The following UMPS variants were observed in gnomAD, a reference collection of about 807,000 sequenced individuals.
UMPS encodes uridine monophosphate synthetase.
UMPS carries 21 observed loss-of-function variants against 38.9 expected under a neutral mutation model. The observed-to-expected ratio is 0.54, with a 90% confidence interval of 0.38 to 0.78. The LOEUF (loss-of-function observed/expected upper bound fraction) is 0.78. UMPS is among the 30% of genes least tolerant of loss of function. The pLI is 0.00. For synonymous variants in UMPS, 208 were observed against 219.3 expected (o/e 0.95, Z 0.45); for missense variants, 533 against 591.6 (o/e 0.90, Z 1.03).
chr3:124,733,323 G>A (rs1334565646), intron 1 of UMPS: 1 of 152,168 alleles, frequency 6.6e-6, no homozygotes, highest in African/African-American at 2.4e-5. Context: ...ATAATTTAAT[G>A]ATATACAGAA....
Position 124,746,794 on chromosome 3 carries a change from T to C in UMPS, c.*2710T>C, listed in dbSNP as rs866842446. 4 of 420,890 alleles carry C rather than the reference T, an allele frequency of 9.5e-6. No individual in the cohort carries two copies. Among genetic ancestry groups the C allele is most frequent in the East Asian group, 7.5e-5 (1 of 13,340 alleles). The allele number at this position is 420,890 out of a possible 1,614,324, so 26.1% of individuals were successfully genotyped here. A position where few individuals can be genotyped will look rare whatever the true frequency, so the allele number is the denominator to read the frequency against. The stretch of plus-strand genomic sequence containing the variant: ...GTGTGTGTGTGTGTGTGTGTGTGTG[T>C]GTGCATGCGCGCGCGTGCGCACTGG... On this transcript the variant is annotated 3_prime_UTR_variant, in exon 6 of 6. Coordinates refer to ENST00000232607, the MANE Select transcript of UMPS (RefSeq NM_000373.4).
rs903156230 is a variant in UMPS at position 124,745,501 on chromosome 3, C to G, written c.*1417C>G. 1 of 453,834 alleles carries G rather than the reference C, an allele frequency of 2.2e-6. No homozygotes were observed. The highest frequency in any genetic ancestry group is 4.4e-6 in the Non-Finnish European group (1 of 226,754). 28.1% of individuals were successfully genotyped at this position (453,834 alleles called of 1,614,324 possible). On this transcript the variant is annotated 3_prime_UTR_variant, in exon 6 of 6. Coordinates refer to ENST00000232607, the MANE Select transcript of UMPS (RefSeq NM_000373.4). ...GCCTCAGCCTCCCGAGTAGCTGGGA[C>G]TACAAGCCTAGGATTTTTAACTCAG... is the stretch of plus-strand genomic sequence containing the variant.
At position 124,748,045 on chromosome 3, in the gene UMPS, CTTG is replaced by C. The variant is rs1431132281; in HGVS notation, c.*3965_*3967del. On this transcript the variant is annotated 3_prime_UTR_variant, in exon 6 of 6. Transcript: ENST00000232607. ...ACACAAAGCATGAGAAAAATCAGGA[CTTG>C]TTGGAGTTATATTTTTAAAATATAT... The C allele has an allele frequency of 9.3e-6, 4 of 429,826 alleles. No homozygotes were observed. Among genetic ancestry groups the C allele is most frequent in the African/African-American group, 8.1e-5 (4 of 49,224 alleles). 26.6% of individuals were successfully genotyped at this position (429,826 alleles called of 1,614,324 possible).
chr3:124,747,568 A>G lies in UMPS; in HGVS notation c.*3484A>G, dbSNP rs903577347. ...GAGAAAGTAGAGCAGAGCCTACTCC[A>G]GCCTCCCCCGTCCAATGTATGAAAG... On this transcript the variant is annotated 3_prime_UTR_variant, in exon 6 of 6. Transcript: ENST00000232607. 2.2e-6 allele frequency: 1 copy of G among 453,346 alleles called. No homozygotes were observed. The highest frequency in any genetic ancestry group is 2.0e-5 in the African/African-American group (1 of 50,004). 28.1% of individuals were successfully genotyped at this position (453,346 alleles called of 1,614,324 possible). A position where few individuals can be genotyped will look rare whatever the true frequency, so the allele number is the denominator to read the frequency against.
Position 124,747,109 on chromosome 3 carries a change from A to G in UMPS, c.*3025A>G, listed in dbSNP as rs1459142281. On this transcript the variant is annotated 3_prime_UTR_variant, in exon 6 of 6. Transcript: ENST00000232607. ...GACTTGGGCTCAAGCGATCCGCTCAAGTAGCTGGAACTACTCTCAAGTAGC... is the reference window on the plus strand; with the variant it reads ...GACTTGGGCTCAAGCGATCCGCTCAGGTAGCTGGAACTACTCTCAAGTAGC... The G allele has an allele frequency of 1.5e-5, 7 of 453,816 alleles. No individual in the cohort carries two copies. In the East Asian group the frequency reaches 2.1e-4, roughly 14 times the overall value. 28.1% of individuals were successfully genotyped at this position (453,816 alleles called of 1,614,324 possible). A position where few individuals can be genotyped will look rare whatever the true frequency, so the allele number is the denominator to read the frequency against.
At position 124,745,368 on chromosome 3, in the gene UMPS, ATTTTTT is replaced by A. The variant is rs11330991; in HGVS notation, c.*1294_*1299del. On this transcript the variant is annotated 3_prime_UTR_variant, in exon 6 of 6. Coordinates refer to ENST00000232607, the MANE Select transcript of UMPS (RefSeq NM_000373.4). ...TTAATGACTCAGAGGAATGCCTAGGATTTTTTTTTTTTTTTGAGACAGAATCTCACT... is the reference window on the plus strand; with the variant it reads ...TTAATGACTCAGAGGAATGCCTAGGATTTTTTTTTGAGACAGAATCTCACT... 3.6e-5 allele frequency: 16 copies of A among 439,840 alleles called. No individual in the cohort carries two copies. The highest frequency in any genetic ancestry group is 2.9e-4 in the African/African-American group (14 of 47,606). The allele number at this position is 439,840 out of a possible 1,614,324, so 27.2% of individuals were successfully genotyped here.
chr3:124,748,907 A>T lies in UMPS; in HGVS notation c.*4823A>T, dbSNP rs758547067. 1.2e-4 allele frequency: 53 copies of T among 445,068 alleles called. No homozygotes were observed. The highest frequency in any genetic ancestry group is 2.3e-4 in the Non-Finnish European group (50 of 221,024). 27.6% of individuals were successfully genotyped at this position (445,068 alleles called of 1,614,324 possible). On this transcript the variant is annotated 3_prime_UTR_variant, in exon 6 of 6. Coordinates refer to ENST00000232607, the MANE Select transcript of UMPS (RefSeq NM_000373.4). ...GAGAAGCAGACCTGGTGGGCCTGAG[A>T]GTCTCAATCGTCAGGTAAGGACAGT... is the stretch of plus-strand genomic sequence containing the variant.
chr3:124,731,497 A>AT (rs1579123848), intron 1 of UMPS: 1 of 438,888 alleles, frequency 2.3e-6, no homozygotes, highest in Non-Finnish European at 4.6e-6. Flanking sequence ...TTATTTATTT[A>AT]TTTTTTAGAT....
In UMPS at chr3:124,749,256, A is replaced by C; in HGVS notation, c.*5172A>C. 1 of 449,970 alleles carries C rather than the reference A, an allele frequency of 2.2e-6. No individual in the cohort carries two copies. The highest frequency in any genetic ancestry group is 4.4e-6 in the Non-Finnish European group (1 of 224,754). The allele number at this position is 449,970 out of a possible 1,614,324, so 27.9% of individuals were successfully genotyped here. On this transcript the variant is annotated 3_prime_UTR_variant, in exon 6 of 6. Coordinates refer to ENST00000232607, the MANE Select transcript of UMPS (RefSeq NM_000373.4). The stretch of plus-strand genomic sequence containing the variant: ...TATGGGTTCTTTTCAACCTGAATAG[A>C]TGGCCTAAAAATTCAAACTTGCCTC...
At position 124,737,934 on chromosome 3, in the gene UMPS, G is replaced by A. The variant is rs2150896862; in HGVS notation, c.677G>A (p.Ser226Asn). Residue 226 changes from serine (S) to asparagine (N), a missense_variant, in exon 3 of 6, where the codon AGC becomes AAC. Coordinates refer to ENST00000232607, the MANE Select transcript of UMPS (RefSeq NM_000373.4). ...ATAAAGGAAGCACCCAAAGAACTCA[G>A]CTTCGGTGCACGTGCAGAGCTGCCC... ...LSIKEAPKEL[S>N]FGARAELPRI... 1.2e-6 allele frequency: 2 copies of A among 1,614,220 alleles called. No individual in the cohort carries two copies. The highest frequency in any genetic ancestry group is 1.7e-6 in the Non-Finnish European group (2 of 1,180,046).
intron 2 of UMPS, among the ~76,000 whole-genome samples, chr3:124,735,829 T>G (rs974211353): frequency 6.6e-6 from 1 of 152,096 alleles, no homozygotes; most frequent in Non-Finnish European, 1.5e-5. Flanking sequence ...ATACAAAAAT[T>G]AGCTGGGCGT....
At position 124,730,515 on chromosome 3, in the gene UMPS, T is replaced by C. The variant is rs745331136; in HGVS notation, c.44T>C (p.Leu15Pro). 1 of 1,614,202 alleles carries C rather than the reference T, an allele frequency of 6.2e-7. No individual in the cohort carries two copies. Among genetic ancestry groups the C allele is most frequent in the Admixed American group, 1.7e-5 (1 of 60,034 alleles). Residue 15 changes from leucine to proline, a missense_variant, in exon 1 of 6, where the codon CTG (leucine) becomes CCG (proline). Leu to Pro is a moderately conservative substitution (Grantham distance 98). Coordinates refer to ENST00000232607, the MANE Select transcript of UMPS (RefSeq NM_000373.4). ...RAALGPLVTG[L>P]YDVQAFKFGD... ...GCTTTGGGGCCATTGGTGACGGGTC[T>C]GTACGACGTGCAGGCTTTCAAGTTT...
chr3:124,737,495 AGT>A (rs2063525793), intron 2 of UMPS, 71 bp from the exon 3 acceptor site: 9 of 1,403,626 alleles, frequency 6.4e-6, no homozygotes, highest in Non-Finnish European at 9.1e-6. Flanking sequence ...TTGTATACAG[AGT>A]GTGTGTACGT....
intron 2 of UMPS, among the ~76,000 whole-genome samples, chr3:124,735,629 G>C (rs1579128883): frequency 6.6e-6 from 1 of 152,260 alleles, no homozygotes; most frequent in East Asian, 1.9e-4. Flanking sequence ...AAACACCTCA[G>C]AGAGATATTT....
chr3:124,738,447 G>C, intron 3 of UMPS: 1 of 576,436 alleles, frequency 1.7e-6, no homozygotes, highest in Admixed American at 2.8e-5. Context: ...TTCTCAGGTA[G>C]GCATACTCTG....
chr3:124,737,422 C>T, intron 2 of UMPS, 146 bp from the exon 3 acceptor site: 1 of 721,104 alleles, frequency 1.4e-6, no homozygotes, highest in South Asian at 1.8e-5. Context: ...ACTGTATGTG[C>T]AACTAGCAAG....
chr3:124,747,185 T>TG lies in UMPS; in HGVS notation c.*3103dup, dbSNP rs2063608657. The TG allele has an allele frequency of 2.2e-6, 1 of 453,448 alleles. No individual in the cohort carries two copies. Among genetic ancestry groups the TG allele is most frequent in the Non-Finnish European group, 4.4e-6 (1 of 226,418 alleles). 28.1% of individuals were successfully genotyped at this position (453,448 alleles called of 1,614,324 possible). Reference sequence around the variant, plus strand: ...AACTACAGGCGTGCACCACCACAGCTGGTTAATTTTTAAAATTTTTTGTAG... The same window carrying TG: ...AACTACAGGCGTGCACCACCACAGCTGGGTTAATTTTTAAAATTTTTTGTAG... On this transcript the variant is annotated 3_prime_UTR_variant, in exon 6 of 6. Coordinates refer to ENST00000232607, the MANE Select transcript of UMPS (RefSeq NM_000373.4).
In UMPS at chr3:124,749,031, C is replaced by T. The variant is rs1201364598; in HGVS notation, c.*4947C>T. The stretch of plus-strand genomic sequence containing the variant: ...ACAGACAGCTCCATAGTCCTGCCTC[C>T]AATGTCCCAACACTGCATTGTCTCC... On this transcript the variant is annotated 3_prime_UTR_variant, in exon 6 of 6. Transcript: ENST00000232607. 3 of 454,066 alleles carry T rather than the reference C, an allele frequency of 6.6e-6. No homozygotes were observed. The highest frequency in any genetic ancestry group is 1.3e-5 in the Non-Finnish European group (3 of 226,774). The allele number at this position is 454,066 out of a possible 1,614,324, so 28.1% of individuals were successfully genotyped here.
At position 124,746,945 on chromosome 3, in the gene UMPS, C is replaced by A; in HGVS notation, c.*2861C>A. On this transcript the variant is annotated 3_prime_UTR_variant, in exon 6 of 6. Transcript: ENST00000232607. ...TGTGGATCTCAGTCCCAACACTCAC[C>A]CTTGTGCTACTGAGTCAGCTCTAAG... is the stretch of plus-strand genomic sequence containing the variant. 2.2e-6 allele frequency: 1 copy of A among 454,106 alleles called. No individual in the cohort carries two copies. Among genetic ancestry groups the A allele is most frequent in the South Asian group, 1.6e-5 (1 of 64,480 alleles). The allele number at this position is 454,106 out of a possible 1,614,324, so 28.1% of individuals were successfully genotyped here. A position where few individuals can be genotyped will look rare whatever the true frequency, so the allele number is the denominator to read the frequency against.
Sources: allele counts gnomAD v4.1 joint callset (sites outside exome capture counted in the v4.1 genomes callset), GRCh38; gene constraint gnomAD v4.1.1; transcripts MANE v1.5; gene names NCBI Gene and HGNC (gene_info 2026-07-23, HGNC 2026-07-21).